PRICKLE2: variants seen among roughly 807,000 people sequenced by gnomAD.
The protein encoded by PRICKLE2 is prickle-like protein 2.
Under a neutral mutation model 81.4 loss-of-function variants are expected in PRICKLE2, and 21 were observed. That is an observed-to-expected ratio of 0.26 (90% CI 0.18 to 0.37). The LOEUF (loss-of-function observed/expected upper bound fraction) is 0.37, where lower values mean the gene tolerates loss of function less well. Ranked by LOEUF, PRICKLE2 falls within the 10% of genes least tolerant of loss-of-function variation. PRICKLE2 has a pLI of 1.00. For synonymous variants in PRICKLE2, 456 were observed against 421.5 expected (o/e 1.08, Z -1.00); for missense variants, 940 against 1,109.0 (o/e 0.85, Z 2.16).
intron 3 of PRICKLE2, among the ~76,000 whole-genome samples, chr3:64,161,580 A>T (rs2077734498): frequency 6.6e-6 from 1 of 152,178 alleles, no homozygotes; most frequent in Non-Finnish European, 1.5e-5. Context: ...TGGGTCACAC[A>T]CACACAATTC....
At chr3:64,176,753 T>C (rs1408864830) in intron 2 of PRICKLE2, among the ~76,000 whole-genome samples, 3 of 152,224 alleles carry the variant, frequency 2.0e-5, no homozygotes, top group South Asian at 2.1e-4. Flanking sequence ...AACTCACTTA[T>C]ACATTACAAA....
intron 1 of PRICKLE2, among the ~76,000 whole-genome samples, chr3:64,210,442 G>C (rs1426125058): frequency 6.6e-6 from 1 of 152,128 alleles, no homozygotes; most frequent in Non-Finnish European, 1.5e-5. Flanking sequence ...CAAGGGCGGA[G>C]ACTGTGACGG....
chr3:64,197,949 C>T (rs2078488366), intron 2 of PRICKLE2, among the ~76,000 whole-genome samples: 5 of 151,934 alleles, frequency 3.3e-5, no homozygotes, highest in Admixed American at 1.3e-4. Context: ...TGGTGGCTCA[C>T]GCCTGTAATC....
intron 2 of PRICKLE2, among the ~76,000 whole-genome samples, chr3:64,245,699 C>T (rs1249901483): frequency 6.6e-6 from 1 of 152,090 alleles, no homozygotes; most frequent in East Asian, 1.9e-4. Flanking sequence ...TGGATGATTC[C>T]TGAGAAAGTT....
chr3:64,243,907 T>C (rs1326329052), intron 2 of PRICKLE2, among the ~76,000 whole-genome samples: 1 of 152,194 alleles, frequency 6.6e-6, no homozygotes, highest in Non-Finnish European at 1.5e-5. Context: ...CCCAATAAAA[T>C]GGTATCTGTG....
chr3:64,207,724 T>G (rs1559579582), intron 1 of PRICKLE2, among the ~76,000 whole-genome samples: 1 of 152,106 alleles, frequency 6.6e-6, no homozygotes, highest in African/African-American at 2.4e-5. Context: ...TTAGGTCCCT[T>G]CGATAAAAAA....
At chr3:64,141,865 C>T in intron 7 of PRICKLE2, 1 of 985,058 alleles carries the variant, frequency 1.0e-6, no homozygotes, top group East Asian at 1.1e-4. Flanking sequence ...AAAAAGAATC[C>T]ATCATCTTGA....
intron 2 of PRICKLE2, among the ~76,000 whole-genome samples, chr3:64,241,417 C>G (rs902883737): frequency 2.0e-5 from 3 of 152,196 alleles, no homozygotes; most frequent in Admixed American, 6.5e-5. Flanking sequence ...TCTTATTCAT[C>G]TACTTATATT....
intron 2 of PRICKLE2, among the ~76,000 whole-genome samples, chr3:64,242,238 A>T (rs1216712683): frequency 6.6e-6 from 1 of 152,226 alleles, no homozygotes; most frequent in Non-Finnish European, 1.5e-5. Context: ...TTTCTGAAAG[A>T]AGGAAAAGGG....
intron 1 of PRICKLE2, among the ~76,000 whole-genome samples, chr3:64,211,409 G>T (rs1365388068): frequency 6.6e-6 from 1 of 152,196 alleles, no homozygotes; most frequent in Non-Finnish European, 1.5e-5. Context: ...ATTTCAAAGT[G>T]GAGAGTTCTT....
At chr3:64,118,215 A>C (rs1050265231) in intron 7 of PRICKLE2, among the ~76,000 whole-genome samples, 4 of 152,226 alleles carry the variant, frequency 2.6e-5, no homozygotes, top group African/African-American at 7.2e-5. Context: ...TTAAAGACTT[A>C]ACTGTAAAAA....
At chr3:64,209,224 A>G (rs2078745190) in intron 1 of PRICKLE2, among the ~76,000 whole-genome samples, 2 of 151,796 alleles carry the variant, frequency 1.3e-5, no homozygotes, top group South Asian at 4.2e-4. Context: ...CTATCCATCC[A>G]TTCACCCATC....
At chr3:64,131,789 C>G (rs1269468279) in intron 7 of PRICKLE2, among the ~76,000 whole-genome samples, 1 of 152,202 alleles carries the variant, frequency 6.6e-6, no homozygotes, top group Non-Finnish European at 1.5e-5. Flanking sequence ...TATTCCCGAC[C>G]TACTGCCTCT....
rs191871740 is a variant in PRICKLE2, at chr3:64,159,976, A to G, written c.360T>C (p.Pro120=). ...TAGCTCCTGTCATGGTGACTGGGAA[A>G]GGCCTGACATTCCCGCGGCCCAAGT... ...RENLGRGNVR[P]FPVTMTGAIC... The change falls in exon 4 of 8, where the codon CCT becomes CCC. Residue 120 remains proline, a synonymous_variant. Transcript: ENST00000638394. The G allele has an allele frequency of 6.2e-7, 1 of 1,614,060 alleles. No individual in the cohort carries two copies. Among genetic ancestry groups the G allele is most frequent in the African/African-American group, 1.3e-5 (1 of 74,920 alleles).
chr3:64,211,577 G>A (rs2078786580), intron 1 of PRICKLE2, among the ~76,000 whole-genome samples: 1 of 152,246 alleles, frequency 6.6e-6, no homozygotes, highest in South Asian at 2.1e-4. Context: ...AACAGAGGGA[G>A]AGAATAAGCA....
chr3:64,129,122 G>A (rs1276236546), intron 7 of PRICKLE2, among the ~76,000 whole-genome samples: 4 of 152,118 alleles, frequency 2.6e-5, no homozygotes, highest in Non-Finnish European at 4.4e-5. Flanking sequence ...GGATCAGGGC[G>A]TAAAATCATC....
At chr3:64,134,994 G>C (rs1400836399) in intron 7 of PRICKLE2, among the ~76,000 whole-genome samples, 1 of 152,176 alleles carries the variant, frequency 6.6e-6, no homozygotes, top group African/African-American at 2.4e-5. Context: ...AGCAAGGTAT[G>C]AGCTGCTCAC....
chr3:64,267,539 T>C (rs1026659465), intron 2 of PRICKLE2, among the ~76,000 whole-genome samples: 4 of 151,088 alleles, frequency 2.6e-5, no homozygotes, highest in African/African-American at 9.7e-5. Flanking sequence ...CTTTTAAATA[T>C]TTAGGGGAAA....
At chr3:64,159,850 G>T in intron 4 of PRICKLE2, 90 bp downstream of exon 4, 1 of 1,525,644 alleles carries the variant, frequency 6.6e-7, no homozygotes, top group East Asian at 2.2e-5. Flanking sequence ...CAGGCACATA[G>T]TAGGCACTCA....
Sources: gnomAD v4.1 joint callset for allele counts (sites outside exome capture counted in the v4.1 genomes callset) on GRCh38, gnomAD v4.1.1 for gene constraint, MANE v1.5 for transcripts, NCBI Gene and HGNC (gene_info 2026-07-23, HGNC 2026-07-21) for gene names.